The following ALK variants were observed in gnomAD, a reference collection of about 807,000 sequenced individuals.
The protein encoded by ALK is ALK tyrosine kinase receptor.
Under a neutral mutation model 163.1 loss-of-function variants are expected in ALK, and 74 were observed. That is an observed-to-expected ratio of 0.45 (90% CI 0.38 to 0.55). The LOEUF is 0.55. Ranked by LOEUF, ALK falls within the 20% of genes least tolerant of loss-of-function variation. ALK has a pLI of 0.00. For missense variants in ALK, 2,063 were observed against 2,105.3 expected, an observed-to-expected ratio of 0.98 and a Z score of 0.39; for synonymous variants, 960 against 843.2, an observed-to-expected ratio of 1.14 and a Z score of -2.40.
intron 3 of ALK, among the ~76,000 whole-genome samples, chr2:29,619,456 C>A (rs1196639082): frequency 6.6e-6 from 1 of 152,200 alleles, no homozygotes; most frequent in African/African-American, 2.4e-5. Context: ...GCTCTCCTCT[C>A]CCTTCTCCCC....
intron 3 of ALK, among the ~76,000 whole-genome samples, chr2:29,686,542 C>G (rs929904171): frequency 6.6e-6 from 1 of 152,162 alleles, no homozygotes; most frequent in South Asian, 2.1e-4. Flanking sequence ...TAAGATCTTA[C>G]CTAACAGATG....
At chr2:29,584,894 T>C (rs1191156131) in intron 3 of ALK, among the ~76,000 whole-genome samples, 4 of 150,682 alleles carry the variant, frequency 2.7e-5, no homozygotes, top group African/African-American at 1.0e-4. Flanking sequence ...TCAGACCACA[T>C]ACATTTTTGT....
rs1669835127 is a variant in ALK at position 29,222,576 on chromosome 2, A to C, written c.3391T>G (p.Tyr1131Asp). Residue 1131 changes from tyrosine (Y) to aspartate (D), a missense_variant, in exon 21 of 29, where the codon TAT becomes GAT. Around this residue, in one of 5 missense-constraint regions of ALK, gnomAD observed 575 missense variants for 626.6 expected, o/e 0.92. Transcript: ENST00000389048. ...GGCATTCCGGACACCTGGCCTTCATACACCTCCCCAAAGGCGCCATGGCCC... is the reference window on the plus strand; with the variant it reads ...GGCATTCCGGACACCTGGCCTTCATCCACCTCCCCAAAGGCGCCATGGCCC... ...GLGHGAFGEV[Y>D]EGQVSGMPND... 1 of 1,613,898 alleles carries C rather than the reference A, an allele frequency of 6.2e-7. No individual in the cohort carries two copies. Among genetic ancestry groups the C allele is most frequent in the Admixed American group, 1.7e-5 (1 of 59,994 alleles).
chr2:29,630,648 C>G (rs979031631), intron 3 of ALK, among the ~76,000 whole-genome samples: 2 of 151,762 alleles, frequency 1.3e-5, no homozygotes, highest in Admixed American at 6.6e-5. Flanking sequence ...TATAAACCAC[C>G]AGGTATCAGG....
At chr2:29,851,017 C>A (rs1041130775) in intron 1 of ALK, among the ~76,000 whole-genome samples, 4 of 152,204 alleles carry the variant, frequency 2.6e-5, no homozygotes, top group African/African-American at 7.2e-5. Flanking sequence ...AGTTGCGTAA[C>A]TTTCTGCCTC....
At chr2:29,567,665 C>A (rs1267513144) in intron 3 of ALK, among the ~76,000 whole-genome samples, 2 of 152,122 alleles carry the variant, frequency 1.3e-5, no homozygotes. Flanking sequence ...TCCCCGAAAC[C>A]ATTCCCAAGG....
intron 11 of ALK, among the ~76,000 whole-genome samples, chr2:29,267,419 C>T (rs542177080): frequency 5.3e-5 from 8 of 152,196 alleles, no homozygotes; most frequent in African/African-American, 1.4e-4. Context: ...ACTGTGTTTA[C>T]GGTCATTTGT....
intron 4 of ALK, among the ~76,000 whole-genome samples, chr2:29,422,912 TG>T (rs1268903963): frequency 7.2e-5 from 10 of 139,690 alleles, no homozygotes; most frequent in South Asian, 4.4e-4. Context: ...ACACTTGATA[TG>T]TTTTTTTTTT....
At position 29,508,579 on chromosome 2, in the gene ALK, G is replaced by A. The variant is rs111704247; in HGVS notation, c.1154+23336C>T. 6.1e-3 allele frequency among the ~76,000 whole-genome samples: 932 copies of A among 151,910 alleles called. 8 individuals carry two copies. The highest frequency in any genetic ancestry group is 0.01 in the Middle Eastern group (3 of 294). On this transcript the variant is annotated intron_variant, in intron 4 of 28. Transcript: ENST00000389048. ...GGGGAGCGGGAAGGGATAGCATTAG[G>A]AGATATACCTAATGTTAAATGATGA...
At chr2:29,498,089 A>G (rs544721167) in intron 4 of ALK, among the ~76,000 whole-genome samples, 2 of 152,120 alleles carry the variant, frequency 1.3e-5, no homozygotes, top group Admixed American at 6.6e-5. Context: ...GTAAGTGCAC[A>G]TGGGAGCTGA....
At chr2:29,683,675 G>C (rs1678149661) in intron 3 of ALK, among the ~76,000 whole-genome samples, 1 of 152,074 alleles carries the variant, frequency 6.6e-6, no homozygotes, top group South Asian at 2.1e-4. Flanking sequence ...CAAATCCTTT[G>C]TCATGTCCAA....
chr2:29,328,970 A>G (rs1468862975), intron 5 of ALK, among the ~76,000 whole-genome samples: 1 of 152,198 alleles, frequency 6.6e-6, no homozygotes, highest in African/African-American at 2.4e-5. Context: ...AGAAAGATGC[A>G]GCACTTTCTG....
At chr2:29,296,085 A>G (rs1487636921) in intron 9 of ALK, among the ~76,000 whole-genome samples, 2 of 152,182 alleles carry the variant, frequency 1.3e-5, no homozygotes, top group African/African-American at 2.4e-5. Context: ...GTGGCAGTGA[A>G]CACTCCATGG....
intron 3 of ALK, among the ~76,000 whole-genome samples, chr2:29,588,904 G>C (rs988012962): frequency 5.3e-5 from 8 of 152,172 alleles, no homozygotes; most frequent in Admixed American, 2.6e-4. Flanking sequence ...AATTGTAGCT[G>C]CCTTGTGCTG....
chr2:29,221,280 G>A (rs1415199590), intron 22 of ALK: 1 of 516,060 alleles, frequency 1.9e-6, no homozygotes, highest in African/African-American at 1.9e-5. Flanking sequence ...AACAGAGCCA[G>A]CAAAAGGGGA....
intron 4 of ALK, among the ~76,000 whole-genome samples, chr2:29,425,458 A>G (rs1259741435): frequency 6.6e-6 from 1 of 152,160 alleles, no homozygotes; most frequent in Non-Finnish European, 1.5e-5. Flanking sequence ...CCCTTACTCT[A>G]TCCAGTTCTC....
chr2:29,742,989 C>T (rs1296345733), intron 1 of ALK, among the ~76,000 whole-genome samples: 1 of 152,174 alleles, frequency 6.6e-6, no homozygotes, highest in African/African-American at 2.4e-5. Context: ...AATGGCCAGG[C>T]TCTAGGCAAT....
intron 23 of ALK, among the ~76,000 whole-genome samples, chr2:29,216,410 G>C (rs1669607635): frequency 6.6e-6 from 1 of 152,094 alleles, no homozygotes; most frequent in African/African-American, 2.4e-5. Flanking sequence ...CCATCACTCA[G>C]GATGCGAGGG....
chr2:29,815,498 C>G (rs1664874865), intron 1 of ALK, among the ~76,000 whole-genome samples: 1 of 152,132 alleles, frequency 6.6e-6, no homozygotes, highest in South Asian at 2.1e-4. Flanking sequence ...GCGCCGGGCC[C>G]CTTCTTCCAC....
Sources: allele counts gnomAD v4.1 joint callset (sites outside exome capture counted in the v4.1 genomes callset), GRCh38; gene constraint gnomAD v4.1.1; regional missense constraint gnomAD v4.1.1; transcripts MANE v1.5; gene names NCBI Gene and HGNC (gene_info 2026-07-23, HGNC 2026-07-21).